CSMD1: variants seen among roughly 807,000 people sequenced by gnomAD.
The protein encoded by CSMD1 is CUB and Sushi multiple domains 1, also known as CUB and sushi domain-containing protein 1.
CSMD1 carries 213 observed loss-of-function variants against 417.5 expected under a neutral mutation model. The ratio of observed to expected loss-of-function variants is 0.51; its 90% CI spans 0.46 to 0.57. The LOEUF (loss-of-function observed/expected upper bound fraction) is 0.57, where lower values mean the gene tolerates loss of function less well. Among genes scored for constraint, CSMD1 ranks in the 20% least tolerant of loss-of-function variants. CSMD1 has a pLI of 0.00. For missense variants in CSMD1, 6,923 were observed against 4,529.7 expected, an observed-to-expected ratio of 1.53 and a Z score of -15.17; for synonymous variants, 2,862 against 1,736.8, an observed-to-expected ratio of 1.65 and a Z score of -16.11.
intron 2 of CSMD1, among the ~76,000 whole-genome samples, chr8:4,514,227 T>C (rs1260697980): frequency 1.3e-5 from 2 of 152,152 alleles, no homozygotes; most frequent in Non-Finnish European, 2.9e-5. Flanking sequence ...TGGGGAGGTT[T>C]CCTCTGGTGT....
chr8:3,052,492 T>A lies in CSMD1; in HGVS notation c.7630A>T (p.Ser2544Cys). 1 of 1,590,594 alleles carries A rather than the reference T, an allele frequency of 6.3e-7. No individual in the cohort carries two copies. Among genetic ancestry groups the A allele is most frequent in the Non-Finnish European group, 8.6e-7 (1 of 1,167,914 alleles). Residue 2544 changes from serine (S) to cysteine (C), a missense_variant, in exon 50 of 70, where the codon AGT becomes TGT. Physicochemically the swap from Ser to Cys is moderately radical, Grantham distance 112. Transcript: ENST00000635120. ...TAVCQEDGLW[S>C]NKGKPPTCKP... Reference sequence around the variant, plus strand: ...CACGTGGGCGGCTTCCCCTTGTTACTCCACAACCCATCTTCTTGACACACG... The same window carrying A: ...CACGTGGGCGGCTTCCCCTTGTTACACCACAACCCATCTTCTTGACACACG...
At chr8:4,739,410 G>A (rs936376003) in intron 1 of CSMD1, among the ~76,000 whole-genome samples, 2 of 152,096 alleles carry the variant, frequency 1.3e-5, no homozygotes, top group Non-Finnish European at 2.9e-5. Context: ...CCTTATATCT[G>A]ATACCTCCCA....
chr8:2,963,245 T>A lies in CSMD1; in HGVS notation c.9431A>T (p.Lys3144Ile). The A allele has an allele frequency of 6.2e-7, 1 of 1,613,880 alleles. No homozygotes were observed. The highest frequency in any genetic ancestry group is 8.5e-7 in the Non-Finnish European group (1 of 1,179,860). Residue 3144 changes from lysine (K) to isoleucine (I), a missense_variant, in exon 60 of 70, where the codon AAA becomes ATA. Coordinates refer to ENST00000635120, the MANE Select transcript of CSMD1 (RefSeq NM_033225.6). ...ACGGAGACACTGGGGGATCTCTCCT[T>A]TCCACACCCCGCGACCTTCACAGGA... is the stretch of plus-strand genomic sequence containing the variant. ...ILSCEGRGVW[K>I]GEIPQCLPVF...
intron 5 of CSMD1, among the ~76,000 whole-genome samples, chr8:3,773,118 C>G (rs1271155178): frequency 6.6e-6 from 1 of 152,170 alleles, no homozygotes; most frequent in Non-Finnish European, 1.5e-5. Flanking sequence ...TCCTCACAAC[C>G]TCATCTCTTC....
At chr8:4,105,513 T>C (rs1432538142) in intron 3 of CSMD1, among the ~76,000 whole-genome samples, 1 of 152,330 alleles carries the variant, frequency 6.6e-6, no homozygotes, top group Non-Finnish European at 1.5e-5. Flanking sequence ...CTAGGCTTCA[T>C]TAAGCTTATT....
chr8:3,670,866 T>A (rs1326960663), intron 7 of CSMD1, among the ~76,000 whole-genome samples: 1 of 150,318 alleles, frequency 6.7e-6, no homozygotes, highest in African/African-American at 2.4e-5. Context: ...ATGTATGGGA[T>A]ATATATGTAT....
At chr8:4,162,601 G>A (rs966467739) in intron 3 of CSMD1, among the ~76,000 whole-genome samples, 2 of 152,124 alleles carry the variant, frequency 1.3e-5, no homozygotes, top group African/African-American at 4.8e-5. Flanking sequence ...TTTAAGAGCA[G>A]TTTTTCTAGG....
intron 11 of CSMD1, among the ~76,000 whole-genome samples, chr8:3,471,544 C>A (rs374348839): frequency 6.7e-6 from 1 of 148,180 alleles, no homozygotes; most frequent in African/African-American, 2.5e-5. Context: ...TTCCTTCATC[C>A]CTCCCTCCTC....
intron 1 of CSMD1, among the ~76,000 whole-genome samples, chr8:4,872,691 C>A (rs567551194): frequency 1.3e-5 from 2 of 152,058 alleles, no homozygotes; most frequent in African/African-American, 4.8e-5. Flanking sequence ...ATACAACTTG[C>A]AAGGAACACA....
At chr8:3,992,399 A>G (rs1436719035) in intron 5 of CSMD1, among the ~76,000 whole-genome samples, 2 of 152,136 alleles carry the variant, frequency 1.3e-5, no homozygotes, top group Non-Finnish European at 2.9e-5. Flanking sequence ...CAATCTAATC[A>G]GTGATTGGCT....
intron 45 of CSMD1, chr8:3,106,893 C>T: frequency 2.9e-6 from 1 of 339,918 alleles, no homozygotes; most frequent in Non-Finnish European, 5.3e-6. Context: ...ACTGAGGCAT[C>T]CGTGTTGGTT....
intron 2 of CSMD1, among the ~76,000 whole-genome samples, chr8:4,439,991 C>G (rs116596961): frequency 0.025 from 3,739 of 152,170 alleles, 166 homozygotes; most frequent in African/African-American, 0.085. Context: ...CCAGCCTAGA[C>G]ATGGGGGGTA....
intron 1 of CSMD1, among the ~76,000 whole-genome samples, chr8:4,684,469 G>T (rs922367713): frequency 6.6e-6 from 1 of 152,104 alleles, no homozygotes; most frequent in Admixed American, 6.5e-5. Flanking sequence ...TTGAGACGGG[G>T]TCTTGCTGGA....
At chr8:4,935,094 C>T (rs1027803387) in intron 1 of CSMD1, among the ~76,000 whole-genome samples, 1 of 152,180 alleles carries the variant, frequency 6.6e-6, no homozygotes, top group African/African-American at 2.4e-5. Flanking sequence ...GCCCCATGAT[C>T]AGGATTCTGC....
At chr8:4,357,227 C>G (rs546110897) in intron 3 of CSMD1, among the ~76,000 whole-genome samples, 3 of 152,196 alleles carry the variant, frequency 2.0e-5, no homozygotes, top group Non-Finnish European at 4.4e-5. Flanking sequence ...GTTGAAAGAG[C>G]CTCTTACGTG....
intron 7 of CSMD1, among the ~76,000 whole-genome samples, chr8:3,619,926 A>G (rs894232524): frequency 6.6e-6 from 1 of 152,062 alleles, no homozygotes; most frequent in African/African-American, 2.4e-5. Context: ...ACATAGTGAA[A>G]CCCCATTTCT....
At chr8:3,537,011 T>G (rs540726031) in intron 10 of CSMD1, among the ~76,000 whole-genome samples, 2 of 152,248 alleles carry the variant, frequency 1.3e-5, no homozygotes, top group East Asian at 3.9e-4. Flanking sequence ...TTTTCTTTCT[T>G]TTCTTTTTTT....
intron 2 of CSMD1, among the ~76,000 whole-genome samples, chr8:4,569,647 G>T (rs1441627447): frequency 6.6e-6 from 1 of 151,862 alleles, no homozygotes; most frequent in Non-Finnish European, 1.5e-5. Flanking sequence ...GGTTCCACAT[G>T]ACCTTTAGTT....
intron 7 of CSMD1, among the ~76,000 whole-genome samples, chr8:3,704,334 C>G (rs769051085): frequency 2.0e-5 from 3 of 152,266 alleles, no homozygotes; most frequent in Non-Finnish European, 2.9e-5. Flanking sequence ...GAAAAATTTC[C>G]TCCCTTTTTC....
Sources: allele counts gnomAD v4.1 joint callset (sites outside exome capture counted in the v4.1 genomes callset), GRCh38; gene constraint gnomAD v4.1.1; transcripts MANE v1.5; gene names NCBI Gene and HGNC (gene_info 2026-07-23, HGNC 2026-07-21).